FAM171B: variants seen among roughly 807,000 people sequenced by gnomAD.
FAM171B encodes the protein protein FAM171B.
In FAM171B, 19 loss-of-function variants were observed where a neutral mutation model predicts 75.6. The ratio of observed to expected loss-of-function variants is 0.25; its 90% confidence interval spans 0.18 to 0.37. FAM171B has a LOEUF of 0.37. FAM171B is among the 10% of genes least tolerant of loss of function. The pLI is 1.00. For synonymous variants in FAM171B, 367 were observed against 361.7 expected (o/e 1.01, Z -0.17); for missense variants, 848 against 982.4 (o/e 0.86, Z 1.83).
intron 1 of FAM171B, among the ~76,000 whole-genome samples, chr2:186,727,205 A>C (rs1202703482): frequency 6.6e-6 from 1 of 152,186 alleles, no homozygotes; most frequent in Non-Finnish European, 1.5e-5. Flanking sequence ...ATGCACAGAA[A>C]AGGAAAACAT....
chr2:186,702,063 C>G (rs2121976), intron 1 of FAM171B, among the ~76,000 whole-genome samples: 67,654 of 152,052 alleles, frequency 0.44, 15,411 homozygotes, highest in East Asian at 0.74. Flanking sequence ...ACCATGAAAG[C>G]TATGTGTGGT....
In FAM171B at chr2:186,764,512, A is replaced by G. The variant is rs77899689; in HGVS notation, c.*1689A>G. On this transcript the variant is annotated 3_prime_UTR_variant, in exon 8 of 8. Coordinates refer to ENST00000304698, the MANE Select transcript of FAM171B (RefSeq NM_177454.4). ...TTAGTGATAAGGCTCATAACAATTA[A>G]TTAGAGAAGGCTTCTTATTGGTCTT... 1.1e-5 allele frequency: 1 copy of G among 91,800 alleles called. No individual in the cohort carries two copies. Among genetic ancestry groups the G allele is most frequent in the Admixed American group, 1.4e-4 (1 of 7,274 alleles). 5.7% of individuals were successfully genotyped at this position (91,800 alleles called of 1,614,324 possible).
At chr2:186,733,795 G>T (rs1390108056) in intron 1 of FAM171B, among the ~76,000 whole-genome samples, 2 of 152,184 alleles carry the variant, frequency 1.3e-5, no homozygotes, top group Non-Finnish European at 2.9e-5. Context: ...ACCTCAAGTG[G>T]CTTCCGCTAC....
Position 186,740,246 on chromosome 2 carries a change from A to C in FAM171B, c.257A>C (p.Lys86Thr), listed in dbSNP as rs746729766. ...TCTCCAGTGTCTGTATTTATGTTGA[A>C]AGTCCAGGTGAATGACATCATCAGT... ...LTVPVSVFML[K>T]VQVNDIISRQ... The change falls in exon 2 of 8, where the codon AAA (lysine) becomes ACA (threonine). Residue 86 changes from lysine (K) to threonine (T), a missense_variant. Transcript: ENST00000304698. The C allele has an allele frequency of 6.2e-7, 1 of 1,613,864 alleles. No homozygotes were observed.
At chr2:186,749,361 G>C (rs915191930) in intron 4 of FAM171B, among the ~76,000 whole-genome samples, 1 of 152,148 alleles carries the variant, frequency 6.6e-6, no homozygotes. Flanking sequence ...ACTGCACGGA[G>C]CTGAGGGGTG....
chr2:186,755,079 G>A (rs1690514426), intron 6 of FAM171B, among the ~76,000 whole-genome samples: 1 of 152,032 alleles, frequency 6.6e-6, no homozygotes, highest in African/African-American at 2.4e-5. Flanking sequence ...TTGTACCTCA[G>A]GAAACCCTAC....
chr2:186,727,101 A>T (rs999677305), intron 1 of FAM171B, among the ~76,000 whole-genome samples: 3 of 151,788 alleles, frequency 2.0e-5, no homozygotes, highest in Non-Finnish European at 2.9e-5. Flanking sequence ...AAGTATCCAC[A>T]TGCTAACTCT....
intron 1 of FAM171B, among the ~76,000 whole-genome samples, chr2:186,739,674 T>C (rs1412081406): frequency 6.6e-6 from 1 of 152,174 alleles, no homozygotes; most frequent in Admixed American, 6.5e-5. Context: ...TGCCTTTATT[T>C]TTTTTGGAAT....
intron 6 of FAM171B, among the ~76,000 whole-genome samples, chr2:186,758,646 C>T (rs1463110476): frequency 6.6e-6 from 1 of 151,960 alleles, no homozygotes; most frequent in Non-Finnish European, 1.5e-5. Context: ...GATTAGCTGC[C>T]CAATAGCATT....
rs1196745404 is a variant in FAM171B, at chr2:186,694,295, T to C, written c.122T>C (p.Leu41Pro). The C allele has an allele frequency of 1.3e-6, 2 of 1,585,370 alleles. No individual in the cohort carries two copies. Among genetic ancestry groups the C allele is most frequent in the Admixed American group, 3.5e-5 (2 of 56,874 alleles). Residue 41 changes from leucine to proline, a missense_variant, in exon 1 of 8, where the codon CTC (leucine) becomes CCC (proline). By Grantham distance (98) the Leu-to-Pro change is moderately conservative. Transcript: ENST00000304698. Reference protein sequence around the residue: ...RAELSRSDLSLIQQQQQQQQQ... With the variant: ...RAELSRSDLSPIQQQQQQQQQ... ...GAACTCAGCCGCTCCGACCTCAGCC[T>C]CATCCAACAGCAGCAGCAGCAGCAG...
intron 1 of FAM171B, among the ~76,000 whole-genome samples, chr2:186,720,277 AT>A (rs1376517916): frequency 6.6e-6 from 1 of 152,198 alleles, no homozygotes; most frequent in Non-Finnish European, 1.5e-5. Context: ...ACCTCAGGTG[AT>A]CTGCCCACCT....
chr2:186,745,324 C>T (rs1015271818), intron 3 of FAM171B, among the ~76,000 whole-genome samples: 5 of 152,228 alleles, frequency 3.3e-5, no homozygotes, highest in African/African-American at 1.2e-4. Context: ...CTGGCATCTT[C>T]AAACCCCATT....
intron 1 of FAM171B, among the ~76,000 whole-genome samples, chr2:186,736,569 A>G (rs865803226): frequency 4.1e-3 from 218 of 53,820 alleles, no homozygotes; most frequent in Middle Eastern, 0.018. Flanking sequence ...TGTGTGTGGG[A>G]GAGAGAGAGA....
At chr2:186,744,023 G>A (rs1302417650) in intron 3 of FAM171B, among the ~76,000 whole-genome samples, 4 of 152,102 alleles carry the variant, frequency 2.6e-5, no homozygotes, top group African/African-American at 9.7e-5. Flanking sequence ...GACGTGATTT[G>A]CCTCACTTGT....
At chr2:186,720,337 C>A (rs1391494847) in intron 1 of FAM171B, among the ~76,000 whole-genome samples, 1 of 152,170 alleles carries the variant, frequency 6.6e-6, no homozygotes, top group Non-Finnish European at 1.5e-5. Context: ...CACACCTGGC[C>A]ATAATATTAT....
intron 1 of FAM171B, among the ~76,000 whole-genome samples, chr2:186,732,092 T>A (rs925634545): frequency 6.6e-6 from 1 of 152,166 alleles, no homozygotes; most frequent in African/African-American, 2.4e-5. Context: ...ATGTGGTCCA[T>A]GAAAAAATTG....
chr2:186,705,688 T>C (rs1689724317), intron 1 of FAM171B, among the ~76,000 whole-genome samples: 1 of 152,006 alleles, frequency 6.6e-6, no homozygotes, highest in African/African-American at 2.4e-5. Context: ...CCTGTGAAGG[T>C]TTTTTGTTGT....
rs887552879 is a variant in FAM171B, at chr2:186,711,822, C to T, written c.238+17411C>T. Among the ~76,000 whole-genome samples, 3 of 152,130 alleles carry T rather than the reference C, an allele frequency of 2.0e-5. No homozygotes were observed. In the South Asian group the frequency reaches 6.2e-4, roughly 32 times the overall value. ...CCTGCCTCTTTTATAGTCCAAACTC[C>T]AGCAGAAACCAACTTAGCTGTACTT... is the stretch of plus-strand genomic sequence containing the variant. On this transcript the variant is annotated intron_variant, in intron 1 of 7. Transcript: ENST00000304698.
At chr2:186,724,017 A>G (rs1316652970) in intron 1 of FAM171B, among the ~76,000 whole-genome samples, 1 of 152,220 alleles carries the variant, frequency 6.6e-6, no homozygotes, top group Non-Finnish European at 1.5e-5. Context: ...AGTTGGGGAA[A>G]CAGAAAATGA....
Sources: gnomAD v4.1 joint callset for allele counts (sites outside exome capture counted in the v4.1 genomes callset) on GRCh38, gnomAD v4.1.1 for gene constraint, MANE v1.5 for transcripts, NCBI Gene and HGNC (gene_info 2026-07-23, HGNC 2026-07-21) for gene names.